LGR6: variants seen among roughly 807,000 people sequenced by gnomAD.
LGR6 encodes leucine-rich repeat-containing G protein-coupled receptor 6.
LGR6 carries 45 observed loss-of-function variants against 69.4 expected under a neutral mutation model. The ratio of observed to expected loss-of-function variants is 0.65; its 90% confidence interval spans 0.51 to 0.83. The LOEUF is 0.83. LGR6 is among the 40% of genes least tolerant of loss of function. The pLI, the probability that LGR6 is intolerant of heterozygous loss-of-function variation, is 0.00. For missense variants in LGR6, 1,108 were observed against 1,246.7 expected (o/e 0.89, Z 1.68); for synonymous variants, 538 against 555.0 (o/e 0.97, Z 0.43).
At chr1:202,211,435 C>T (rs780276506) in intron 1 of LGR6, among the ~76,000 whole-genome samples, 4 of 152,200 alleles carry the variant, frequency 2.6e-5, no homozygotes, top group Non-Finnish European at 4.4e-5. Context: ...TTCACTGCAA[C>T]CTCTGCCTCC....
At chr1:202,216,312 CAA>C (rs2147927045) in intron 1 of LGR6, among the ~76,000 whole-genome samples, 1 of 152,304 alleles carries the variant, frequency 6.6e-6, no homozygotes, top group South Asian at 2.1e-4. Context: ...GAAATTAAGA[CAA>C]AGACAGGTGA....
At chr1:202,293,216 A>G (rs910521641) in intron 6 of LGR6, among the ~76,000 whole-genome samples, 10 of 152,176 alleles carry the variant, frequency 6.6e-5, no homozygotes, top group Non-Finnish European at 1.3e-4. Context: ...ATTACCTCCA[A>G]GTATTGCCCT....
At chr1:202,256,495 G>A (rs756154776) in intron 4 of LGR6, among the ~76,000 whole-genome samples, 6 of 152,092 alleles carry the variant, frequency 3.9e-5, no homozygotes, top group African/African-American at 7.2e-5. Flanking sequence ...TGCCTGCCTC[G>A]GCCTCCCAAA....
intron 4 of LGR6, among the ~76,000 whole-genome samples, chr1:202,236,762 TG>T (rs563863677): frequency 1.5e-3 from 224 of 152,052 alleles, no homozygotes; most frequent in African/African-American, 5.2e-3. Context: ...AAGTCAAAGT[TG>T]GGGGGCAAGA....
intron 1 of LGR6, among the ~76,000 whole-genome samples, chr1:202,204,572 A>ACC (rs1331794091): frequency 1.4e-5 from 2 of 145,338 alleles, no homozygotes; most frequent in African/African-American, 2.6e-5. Context: ...ACACAAACAC[A>ACC]CCTAACACAC....
intron 3 of LGR6, among the ~76,000 whole-genome samples, chr1:202,234,672 C>G (rs148112994): frequency 5.3e-5 from 8 of 152,166 alleles, no homozygotes; most frequent in Non-Finnish European, 1.2e-4. Flanking sequence ...TGATAATAAT[C>G]CCTATCTGTT....
intron 4 of LGR6, 65 bp downstream of exon 4, chr1:202,236,058 C>T (rs1055717784): frequency 4.4e-6 from 6 of 1,365,464 alleles, no homozygotes; most frequent in African/African-American, 1.4e-5. Flanking sequence ...CAGCCCAGGG[C>T]CCCCTGCCTC....
At chr1:202,247,058 C>T (rs918828158) in intron 4 of LGR6, among the ~76,000 whole-genome samples, 3 of 152,188 alleles carry the variant, frequency 2.0e-5, no homozygotes, top group Non-Finnish European at 2.9e-5. Flanking sequence ...CCTCACAGCA[C>T]TAGGGAAACT....
In LGR6 at chr1:202,314,899, G is replaced by A; in HGVS notation, c.1648+17G>A. On this transcript the variant is annotated intron_variant, in intron 17 of 17. Transcript: ENST00000367278. ...CTACTCCAGGTGAGGTGGTGTCTGG[G>A]GAATGGGGACGAGGGGGAATGGAGA... is the stretch of plus-strand genomic sequence containing the variant. 6.2e-7 allele frequency: 1 copy of A among 1,600,066 alleles called. No individual in the cohort carries two copies.
chr1:202,306,385 G>C (rs1036537723), intron 12 of LGR6, among the ~76,000 whole-genome samples: 4 of 152,172 alleles, frequency 2.6e-5, no homozygotes, highest in Non-Finnish European at 5.9e-5. Context: ...GCTGGGGCAG[G>C]GTACAGATAT....
At chr1:202,316,170 G>T (rs1365485055) in intron 17 of LGR6, among the ~76,000 whole-genome samples, 3 of 152,152 alleles carry the variant, frequency 2.0e-5, no homozygotes, top group Non-Finnish European at 4.4e-5. Context: ...AATACCTAAG[G>T]CTAGGTAATT....
At chr1:202,231,144 C>T (rs1379621287) in intron 3 of LGR6, among the ~76,000 whole-genome samples, 2 of 152,154 alleles carry the variant, frequency 1.3e-5, no homozygotes, top group Non-Finnish European at 2.9e-5. Flanking sequence ...TTAGCATCTC[C>T]GGGACCCATC....
intron 16 of LGR6, among the ~76,000 whole-genome samples, chr1:202,314,439 C>G (rs559812365): frequency 9.0e-4 from 137 of 152,306 alleles, no homozygotes; most frequent in African/African-American, 3.2e-3. Flanking sequence ...AGTGACAGCC[C>G]AGCCAGAGTA....
At chr1:202,254,883 T>C (rs187162182) in intron 4 of LGR6, among the ~76,000 whole-genome samples, 49 of 142,366 alleles carry the variant, frequency 3.4e-4, no homozygotes, top group South Asian at 1.2e-3. Context: ...TAACAATAGT[T>C]GAGACTCTGT....
chr1:202,301,331 G>T, intron 9 of LGR6, 96 bp downstream of exon 9: 1 of 1,068,984 alleles, frequency 9.4e-7, no homozygotes, highest in Non-Finnish European at 1.4e-6. Context: ...TCTCTCCCTT[G>T]CAAGGCACAA....
intron 1 of LGR6, among the ~76,000 whole-genome samples, chr1:202,202,910 G>C (rs1658887310): frequency 6.6e-6 from 1 of 152,138 alleles, no homozygotes; most frequent in South Asian, 2.1e-4. Flanking sequence ...ACTGCATAAG[G>C]TGGCAGAAAG....
intron 17 of LGR6, among the ~76,000 whole-genome samples, chr1:202,317,171 A>G (rs1165686590): frequency 2.6e-5 from 4 of 152,162 alleles, no homozygotes; most frequent in African/African-American, 9.7e-5. Flanking sequence ...CTGTCTGGGC[A>G]GTCCCTCATG....
At chr1:202,254,768 G>C (rs146137110) in intron 4 of LGR6, among the ~76,000 whole-genome samples, 6 of 152,260 alleles carry the variant, frequency 3.9e-5, no homozygotes, top group African/African-American at 1.4e-4. Flanking sequence ...AATAGGAGTT[G>C]AACTGGTGGA....
Position 202,235,917 on chromosome 1 carries a change from C to G in LGR6, c.357-5C>G, listed in dbSNP as rs752618260. ...GTCCTTAAAGCCCTTTCTCTTCTCC[C>G]GTAGGATGCTGCAGAACAATCAGCT... is the stretch of plus-strand genomic sequence containing the variant. On this transcript the variant is annotated splice_polypyrimidine_tract_variant and splice_region_variant and intron_variant, in intron 3 of 17. Coordinates refer to ENST00000367278, the MANE Select transcript of LGR6 (RefSeq NM_001017403.2). 2.5e-6 allele frequency: 4 copies of G among 1,613,880 alleles called. No homozygotes were observed. The highest frequency in any genetic ancestry group is 3.4e-6 in the Non-Finnish European group (4 of 1,179,882).
Sources: allele counts gnomAD v4.1 joint callset (sites outside exome capture counted in the v4.1 genomes callset), GRCh38; gene constraint gnomAD v4.1.1; transcripts MANE v1.5; gene names NCBI Gene and HGNC (gene_info 2026-07-23, HGNC 2026-07-21).